The following ARHGEF10 variants were observed in gnomAD, a reference collection of about 807,000 sequenced individuals.
ARHGEF10 encodes Rho guanine nucleotide exchange factor 10, also known as Rho guanine nucleotide exchange factor (GEF) 10.
A neutral mutation model predicts 147.4 loss-of-function variants in ARHGEF10; 140 were observed. The ratio of observed to expected loss-of-function variants is 0.95; its 90% CI spans 0.83 to 1.09. ARHGEF10 has a LOEUF of 1.09. Ranked by LOEUF, ARHGEF10 falls within the 50% of genes least tolerant of loss-of-function variation. The pLI is 0.00. For synonymous variants in ARHGEF10, 902 were observed against 695.8 expected (o/e 1.30, Z -4.67); for missense variants, 2,222 against 1,752.7 (o/e 1.27, Z -4.78).
At chr8:1,930,098 C>T (rs1161965484) in intron 25 of ARHGEF10, among the ~76,000 whole-genome samples, 1 of 152,044 alleles carries the variant, frequency 6.6e-6, no homozygotes, top group African/African-American at 2.4e-5. Flanking sequence ...TTCCAGCTTC[C>T]TTGGTGCTGG....
At chr8:1,893,790 A>G (rs1809744910) in intron 12 of ARHGEF10, 144 bp downstream of exon 12, 2 of 655,564 alleles carry the variant, frequency 3.1e-6, no homozygotes. Flanking sequence ...TCTAAGTATT[A>G]TGTCTGTATA....
At chr8:1,854,978 A>G (rs1191687831) in intron 2 of ARHGEF10, among the ~76,000 whole-genome samples, 1 of 151,980 alleles carries the variant, frequency 6.6e-6, no homozygotes, top group Non-Finnish European at 1.5e-5. Flanking sequence ...ACAGCCCAGG[A>G]GGTGGCGTAT....
At chr8:1,839,880 AACT>A (rs1803869773) in intron 1 of ARHGEF10, among the ~76,000 whole-genome samples, 1 of 71,856 alleles carries the variant, frequency 1.4e-5, no homozygotes, top group Non-Finnish European at 2.6e-5. Flanking sequence ...CTGGTGTGGA[AACT>A]GTCTGGTGTG....
Position 1,925,266 on chromosome 8 carries a change from T to C in ARHGEF10, c.2489-17T>C. The C allele has an allele frequency of 3.7e-6, 6 of 1,614,148 alleles. No homozygotes were observed. Among genetic ancestry groups the C allele is most frequent in the Non-Finnish European group, 5.1e-6 (6 of 1,180,004 alleles). On this transcript the variant is annotated splice_polypyrimidine_tract_variant and intron_variant, in intron 21 of 28. Transcript: ENST00000349830. ...TTAACTGCATTCTTGCTCATTTCTCTCTGAATATAATTGCAGAAGAGGAGA... is the reference window on the plus strand; with the variant it reads ...TTAACTGCATTCTTGCTCATTTCTCCCTGAATATAATTGCAGAAGAGGAGA...
chr8:1,901,570 A>G (rs13258210), intron 15 of ARHGEF10, among the ~76,000 whole-genome samples: 12,509 of 152,304 alleles, frequency 0.082, 574 homozygotes, highest in African/African-American at 0.12. Flanking sequence ...ATTTCTGATA[A>G]TAACAGCAGC....
intron 7 of ARHGEF10, 169 bp downstream of exon 7, chr8:1,869,419 C>T: frequency 1.4e-6 from 1 of 718,056 alleles, no homozygotes; most frequent in Non-Finnish European, 2.5e-6. Flanking sequence ...TGTTTGTGCA[C>T]ATATGTGTGT....
intron 3 of ARHGEF10, among the ~76,000 whole-genome samples, chr8:1,859,424 C>T (rs981240336): frequency 1.3e-4 from 18 of 137,454 alleles, no homozygotes; most frequent in Middle Eastern, 4.2e-3. Context: ...TTTCTTTGTG[C>T]GCAGCACCCG....
chr8:1,853,439 T>C (rs914972582), intron 2 of ARHGEF10, among the ~76,000 whole-genome samples: 4 of 152,262 alleles, frequency 2.6e-5, no homozygotes, highest in Non-Finnish European at 4.4e-5. Flanking sequence ...CTACAACACG[T>C]TGTATCTCCT....
intron 11 of ARHGEF10, among the ~76,000 whole-genome samples, chr8:1,886,379 G>A (rs553183103): frequency 2.6e-5 from 4 of 152,276 alleles, no homozygotes; most frequent in East Asian, 1.9e-4. Context: ...TGTAATCCAC[G>A]GATCTGGGGA....
intron 22 of ARHGEF10, 84 bp downstream of exon 22, chr8:1,925,488 G>C: frequency 6.3e-7 from 1 of 1,577,418 alleles, no homozygotes; most frequent in South Asian, 1.1e-5. Flanking sequence ...TTCTTAAGGG[G>C]CGTGGTCAGA....
At chr8:1,936,742 C>A (rs1454786491) in intron 26 of ARHGEF10, among the ~76,000 whole-genome samples, 5 of 152,250 alleles carry the variant, frequency 3.3e-5, no homozygotes, top group Non-Finnish European at 7.3e-5. Context: ...ATTTTGCTGA[C>A]ATTTCATGAA....
At chr8:1,829,116 G>A (rs1239292492) in intron 1 of ARHGEF10, among the ~76,000 whole-genome samples, 2 of 152,372 alleles carry the variant, frequency 1.3e-5, no homozygotes, top group South Asian at 2.1e-4. Flanking sequence ...GCCAGGCCGA[G>A]CGCTCCCCGC....
In ARHGEF10 at chr8:1,860,168, G is replaced by A. The variant is rs368908745; in HGVS notation, c.465G>A (p.Thr155=). 3.3e-5 allele frequency: 53 copies of A among 1,613,038 alleles called. No homozygotes were observed. The highest frequency in any genetic ancestry group is 3.2e-4 in the African/African-American group (24 of 74,782). ...AYSSPVIICA[T]SLDEEETPEV... The stretch of plus-strand genomic sequence containing the variant: ...CCAGCCCGGTCATCATCTGCGCCAC[G>A]TCCCTGGACGAAGAAGGTACTGCTA... The change falls in exon 4 of 29, where the codon ACG becomes ACA. Residue 155 remains threonine, a synonymous_variant. Coordinates refer to ENST00000349830, the MANE Select transcript of ARHGEF10 (RefSeq NM_014629.4).
intron 18 of ARHGEF10, among the ~76,000 whole-genome samples, chr8:1,910,442 G>A (rs1425360719): frequency 6.6e-6 from 1 of 152,052 alleles, no homozygotes; most frequent in Non-Finnish European, 1.5e-5. Flanking sequence ...AGGCTAATTC[G>A]TCAAGCATAT....
intron 15 of ARHGEF10, among the ~76,000 whole-genome samples, chr8:1,899,668 T>A (rs763331213): frequency 3.9e-5 from 6 of 152,224 alleles, no homozygotes; most frequent in Non-Finnish European, 8.8e-5. Flanking sequence ...CAATGTGCAG[T>A]TTGCCTGTAT....
intron 28 of ARHGEF10, among the ~76,000 whole-genome samples, chr8:1,953,764 G>A (rs4876271): frequency 0.14 from 21,030 of 152,196 alleles, 1,440 homozygotes; most frequent in East Asian, 0.22. Context: ...CTGCAGTGAC[G>A]CGGAAAACTC....
At chr8:1,896,810 G>A (rs1388307723) in intron 14 of ARHGEF10, among the ~76,000 whole-genome samples, 1 of 152,326 alleles carries the variant, frequency 6.6e-6, no homozygotes, top group East Asian at 1.9e-4. Flanking sequence ...TGGGATCGGG[G>A]AGAGGCACCG....
At chr8:1,952,889 G>A (rs1815172316) in intron 28 of ARHGEF10, 62 bp downstream of exon 28, 1 of 1,608,356 alleles carries the variant, frequency 6.2e-7, no homozygotes, top group Non-Finnish European at 8.5e-7. Context: ...GAGCATAGCA[G>A]TGTGTAGTGT....
intron 2 of ARHGEF10, among the ~76,000 whole-genome samples, chr8:1,855,918 C>CAAAA (rs200606477): frequency 2.8e-5 from 4 of 142,236 alleles, no homozygotes; most frequent in African/African-American, 1.0e-4. Flanking sequence ...AATGATATGG[C>CAAAA]AAAAAAAAAA....
Sources: allele counts gnomAD v4.1 joint callset (sites outside exome capture counted in the v4.1 genomes callset), GRCh38; gene constraint gnomAD v4.1.1; transcripts MANE v1.5; gene names NCBI Gene and HGNC (gene_info 2026-07-23, HGNC 2026-07-21).